PLVAP: variants seen among roughly 807,000 people sequenced by gnomAD.
PLVAP encodes plasmalemma vesicle associated protein.
In PLVAP, 34 loss-of-function variants were observed where a neutral mutation model predicts 43.1. That is an observed-to-expected ratio of 0.79 (90% CI 0.60 to 1.05). The LOEUF (loss-of-function observed/expected upper bound fraction) is 1.05. Among genes scored for constraint, PLVAP ranks in the 50% least tolerant of loss-of-function variants. The pLI, the probability that PLVAP is intolerant of heterozygous loss-of-function variation, is 0.00. For missense variants in PLVAP, 574 were observed against 593.4 expected (o/e 0.97, Z 0.34); for synonymous variants, 241 against 237.3 (o/e 1.02, Z -0.14).
chr19:17,354,661 G>C (rs2145717036), intron 5 of PLVAP, among the ~76,000 whole-genome samples: 1 of 150,178 alleles, frequency 6.7e-6, no homozygotes, highest in African/African-American at 2.4e-5. Flanking sequence ...CACTTTGGGA[G>C]GCCGAGGCAG....
chr19:17,370,357 C>G (rs905573476), intron 1 of PLVAP, among the ~76,000 whole-genome samples: 2 of 152,142 alleles, frequency 1.3e-5, no homozygotes, highest in African/African-American at 4.8e-5. Flanking sequence ...CACAGCCGCT[C>G]GATTCACAGT....
intron 1 of PLVAP, among the ~76,000 whole-genome samples, chr19:17,372,613 C>T (rs1374311482): frequency 2.0e-5 from 3 of 149,518 alleles, no homozygotes; most frequent in Non-Finnish European, 3.0e-5. Context: ...CCCACCACCA[C>T]ACCTGGCTAA....
intron 5 of PLVAP, among the ~76,000 whole-genome samples, chr19:17,356,941 G>C (rs113384768): frequency 6.6e-6 from 1 of 150,968 alleles, no homozygotes; most frequent in Non-Finnish European, 1.5e-5. Context: ...CCTGGGCAAC[G>C]AGAGAGAAAC....
chr19:17,369,130 A>T (rs764820202), intron 1 of PLVAP, among the ~76,000 whole-genome samples: 71 of 152,044 alleles, frequency 4.7e-4, no homozygotes, highest in Non-Finnish European at 9.3e-4. Context: ...ACAAATGCTA[A>T]CACCATCTCA....
chr19:17,370,570 C>T (rs944070465), intron 1 of PLVAP, among the ~76,000 whole-genome samples: 3 of 152,142 alleles, frequency 2.0e-5, no homozygotes, highest in Non-Finnish European at 1.5e-5. Flanking sequence ...ATTCCACTGA[C>T]ATGAAATGCC....
At chr19:17,356,203 G>C (rs756178998) in intron 5 of PLVAP, among the ~76,000 whole-genome samples, 1 of 152,128 alleles carries the variant, frequency 6.6e-6, no homozygotes, top group Non-Finnish European at 1.5e-5. Context: ...CCAGCTACTC[G>C]GGAGGCTGAG....
chr19:17,360,870 G>A, intron 3 of PLVAP, 38 bp from the exon 4 acceptor site: 1 of 1,559,518 alleles, frequency 6.4e-7, no homozygotes. Flanking sequence ...GTAGGAGCCA[G>A]GGCTTCCCAG....
chr19:17,352,808 T>A (rs1315976540), intron 5 of PLVAP, among the ~76,000 whole-genome samples: 5 of 152,118 alleles, frequency 3.3e-5, no homozygotes, highest in Non-Finnish European at 7.4e-5. Flanking sequence ...CTCCCTCTTT[T>A]GCCTGCTCCT....
In PLVAP at chr19:17,365,648, C is replaced by T. The variant is rs200728670; in HGVS notation, c.817G>A (p.Asp273Asn). 2.2e-5 allele frequency: 36 copies of T among 1,613,616 alleles called. No homozygotes were observed. In the East Asian group the frequency reaches 3.8e-4, roughly 17 times the overall value. The change falls in exon 3 of 6, where the codon GAC (aspartate) becomes AAC (asparagine). Residue 273 changes from aspartate to asparagine, a missense_variant. Coordinates refer to ENST00000252590, the MANE Select transcript of PLVAP (RefSeq NM_031310.3). ...SELASIRRAC[D>N]HMPSLMSSKV... ...GAGCTCATGAGGCTGGGCATGTGGT[C>T]GCAGGCTCTGCGGATGGAGGCCAAT... is the stretch of plus-strand genomic sequence containing the variant.
intron 5 of PLVAP, among the ~76,000 whole-genome samples, chr19:17,355,782 C>T (rs1245831998): frequency 6.6e-6 from 1 of 152,130 alleles, no homozygotes; most frequent in Non-Finnish European, 1.5e-5. Flanking sequence ...GATCTGCCCG[C>T]CTCAGCCTCC....
intron 1 of PLVAP, among the ~76,000 whole-genome samples, chr19:17,371,963 G>T (rs936908323): frequency 4.0e-5 from 6 of 151,782 alleles, no homozygotes. Flanking sequence ...TGTCCTGGGG[G>T]GACATGGGGA....
intron 3 of PLVAP, among the ~76,000 whole-genome samples, chr19:17,364,593 C>T (rs1009974880): frequency 1.3e-5 from 2 of 152,054 alleles, no homozygotes; most frequent in African/African-American, 4.8e-5. Context: ...CACATTACTA[C>T]AATCCTATAA....
At position 17,377,125 on chromosome 19, in the gene PLVAP, C is replaced by G. The variant is rs1324505433; in HGVS notation, c.164G>C (p.Ser55Thr). 4 of 1,614,172 alleles carry G rather than the reference C, an allele frequency of 2.5e-6. No individual in the cohort carries two copies. Among genetic ancestry groups the G allele is most frequent in the Non-Finnish European group, 3.4e-6 (4 of 1,180,036 alleles). The change falls in exon 1 of 6, where the codon AGC becomes ACC. Residue 55 changes from serine to threonine, a missense_variant. Ser to Thr is a moderately conservative substitution (Grantham distance 58). Coordinates refer to ENST00000252590, the MANE Select transcript of PLVAP (RefSeq NM_031310.3). Reference protein sequence around the residue: ...LFMVYGNVHVSTESNLQATER... With the variant: ...LFMVYGNVHVTTESNLQATER... ...GGTGGCCTGCAGGTTGGACTCTGTGCTCACGTGCACGTTGCCATAGACCAT... is the reference window on the plus strand; with the variant it reads ...GGTGGCCTGCAGGTTGGACTCTGTGGTCACGTGCACGTTGCCATAGACCAT...
chr19:17,356,789 G>A (rs748636641), intron 5 of PLVAP, among the ~76,000 whole-genome samples: 144 of 149,804 alleles, frequency 9.6e-4, no homozygotes, highest in Admixed American at 4.0e-4. Flanking sequence ...GTGAAACCCC[G>A]TCTCTACTAA....
At chr19:17,366,940 T>A (rs1337197221) in intron 1 of PLVAP, among the ~76,000 whole-genome samples, 3 of 17,658 alleles carry the variant, frequency 1.7e-4, no homozygotes, top group Non-Finnish European at 2.0e-4. Context: ...CCGGCTCGAA[T>A]TTTTTTTTTT....
Position 17,374,665 on chromosome 19 carries a change from G to A in PLVAP, c.369+2255C>T, listed in dbSNP as rs140478651. 5.8e-3 allele frequency among the ~76,000 whole-genome samples: 866 copies of A among 150,404 alleles called. 2 individuals carry two copies. The highest frequency in any genetic ancestry group is 8.7e-3 in the African/African-American group (355 of 40,854). ...TTTCCATTCAGGGTCTCACTCAGTC[G>A]CCCAGGCTGGAGTACAGTGGCACTA... is the stretch of plus-strand genomic sequence containing the variant. On this transcript the variant is annotated intron_variant, in intron 1 of 5. Coordinates refer to ENST00000252590, the MANE Select transcript of PLVAP (RefSeq NM_031310.3).
At chr19:17,361,315 T>G (rs1478255103) in intron 3 of PLVAP, among the ~76,000 whole-genome samples, 1 of 152,040 alleles carries the variant, frequency 6.6e-6, no homozygotes, top group Non-Finnish European at 1.5e-5. Flanking sequence ...GTCATGAACA[T>G]AGAATCACCT....
intron 3 of PLVAP, chr19:17,362,048 C>G (rs1016694065): frequency 6.6e-6 from 1 of 152,294 alleles, no homozygotes; most frequent in South Asian, 2.1e-4. Context: ...GATTGTACCA[C>G]TGCACTCCAG....
At chr19:17,369,818 T>C (rs1182547073) in intron 1 of PLVAP, among the ~76,000 whole-genome samples, 2 of 150,874 alleles carry the variant, frequency 1.3e-5, no homozygotes, top group East Asian at 2.0e-4. Context: ...CTGGCCAACA[T>C]GGTGAAACCC....
Sources: gnomAD v4.1 joint callset for allele counts (sites outside exome capture counted in the v4.1 genomes callset) on GRCh38, gnomAD v4.1.1 for gene constraint, MANE v1.5 for transcripts, NCBI Gene and HGNC (gene_info 2026-07-23, HGNC 2026-07-21) for gene names.